Variants in ZNF385D observed in about 807,000 individuals in gnomAD.
ZNF385D encodes the protein zinc finger protein 659.
Under a neutral mutation model 35.8 loss-of-function variants are expected in ZNF385D, and 15 were observed. The ratio of observed to expected loss-of-function variants is 0.42; its 90% CI spans 0.28 to 0.64. ZNF385D has a LOEUF of 0.64. Among genes scored for constraint, ZNF385D ranks in the 30% least tolerant of loss-of-function variants. The pLI is 0.23. For missense variants in ZNF385D, 474 were observed against 494.6 expected (o/e 0.96, Z 0.39); for synonymous variants, 212 against 186.8 (o/e 1.13, Z -1.10).
intron 1 of ZNF385D, among the ~76,000 whole-genome samples, chr3:21,718,486 C>T (rs1443102909): frequency 2.6e-5 from 4 of 152,222 alleles, no homozygotes; most frequent in Admixed American, 6.5e-5. Context: ...GCACTTACTA[C>T]GTGCCCGGAT....
At chr3:21,893,578 C>G (rs997189178) in intron 3 of ZNF385D, among the ~76,000 whole-genome samples, 1 of 152,126 alleles carries the variant, frequency 6.6e-6, no homozygotes, top group Non-Finnish European at 1.5e-5. Context: ...TAATTTAGCT[C>G]ATTGAATGTT....
chr3:22,162,271 A>G (rs1489649933), intron 3 of ZNF385D, among the ~76,000 whole-genome samples: 2 of 152,152 alleles, frequency 1.3e-5, no homozygotes, highest in East Asian at 1.9e-4. Flanking sequence ...ATATTTTAAG[A>G]TGCTATTCAG....
intron 2 of ZNF385D, among the ~76,000 whole-genome samples, chr3:21,605,519 G>T (rs1412305813): frequency 6.6e-6 from 1 of 150,950 alleles, no homozygotes; most frequent in Non-Finnish European, 1.5e-5. Context: ...AGAAAGAATG[G>T]TAGAAAGACA....
At chr3:22,360,831 C>T (rs1696376168) in intron 2 of ZNF385D, among the ~76,000 whole-genome samples, 1 of 151,986 alleles carries the variant, frequency 6.6e-6, no homozygotes, top group South Asian at 2.1e-4. Context: ...AAATGAATAA[C>T]TGTATTCCTA....
intron 3 of ZNF385D, among the ~76,000 whole-genome samples, chr3:22,113,710 TAC>T (rs1702659311): frequency 6.6e-6 from 1 of 151,936 alleles, no homozygotes; most frequent in Non-Finnish European, 1.5e-5. Flanking sequence ...ACAAAAAAGA[TAC>T]ACAGATACAA....
intron 3 of ZNF385D, among the ~76,000 whole-genome samples, chr3:21,870,157 T>C (rs77248212): frequency 6.6e-6 from 1 of 152,168 alleles, no homozygotes; most frequent in Admixed American, 6.6e-5. Flanking sequence ...GCTTCAGGAA[T>C]TATTTTTCCC....
intron 3 of ZNF385D, among the ~76,000 whole-genome samples, chr3:21,989,698 A>G (rs1576098521): frequency 1.3e-5 from 2 of 152,212 alleles, no homozygotes. Flanking sequence ...AAGGACAGCC[A>G]AACCATCCAG....
intron 1 of ZNF385D, among the ~76,000 whole-genome samples, chr3:21,743,674 G>C (rs1470252546): frequency 6.6e-6 from 1 of 152,090 alleles, no homozygotes; most frequent in African/African-American, 2.4e-5. Context: ...CACCCAAATG[G>C]CTTCATCTAA....
intron 2 of ZNF385D, among the ~76,000 whole-genome samples, chr3:22,187,779 G>T (rs1695736536): frequency 6.6e-6 from 1 of 152,080 alleles, no homozygotes; most frequent in South Asian, 2.1e-4. Flanking sequence ...TGTTTATTCG[G>T]ACAGCGATGG....
intron 3 of ZNF385D, among the ~76,000 whole-genome samples, chr3:21,913,341 G>A (rs756213910): frequency 2.0e-5 from 3 of 152,032 alleles, no homozygotes; most frequent in African/African-American, 4.8e-5. Context: ...TTCTCAGGTC[G>A]TATATCTGAA....
chr3:21,746,745 C>CTAAT lies in ZNF385D; in HGVS notation c.22+4146_22+4149dup, dbSNP rs1478602114. ...CTCATAACAGATCACTCAGTACAAACTAATTAGAAGGAGTTAAATGTTTCC... is the reference window on the plus strand; with the variant it reads ...CTCATAACAGATCACTCAGTACAAACTAATTAATTAGAAGGAGTTAAATGTTTCC... On this transcript the variant is annotated intron_variant, in intron 1 of 7. Transcript: ENST00000281523. 2.0e-5 allele frequency among the ~76,000 whole-genome samples: 3 copies of CTAAT among 152,164 alleles called. No homozygotes were observed. In the East Asian group the frequency reaches 5.8e-4, roughly 29 times the overall value.
chr3:21,472,415 A>G (rs1465272344), intron 4 of ZNF385D, among the ~76,000 whole-genome samples: 4 of 152,168 alleles, frequency 2.6e-5, no homozygotes. Context: ...AAAGGTGGTC[A>G]ACTCCAATTT....
At chr3:21,588,910 T>C (rs544278949) in intron 2 of ZNF385D, among the ~76,000 whole-genome samples, 43 of 152,304 alleles carry the variant, frequency 2.8e-4, no homozygotes, top group African/African-American at 1.0e-3. Context: ...AATATGCTCA[T>C]ACATCCACTC....
chr3:22,326,270 C>T (rs547601499), intron 2 of ZNF385D, among the ~76,000 whole-genome samples: 3 of 152,198 alleles, frequency 2.0e-5, no homozygotes, highest in African/African-American at 7.2e-5. Flanking sequence ...GTAGATTATG[C>T]CAAATTTGGG....
At chr3:21,667,889 TCA>T (rs2066454074) in intron 1 of ZNF385D, among the ~76,000 whole-genome samples, 1 of 152,170 alleles carries the variant, frequency 6.6e-6, no homozygotes, top group Admixed American at 6.6e-5. Context: ...AGGTCCTCTC[TCA>T]GTGTTGCAAC....
At chr3:21,989,776 C>G (rs1012063658) in intron 3 of ZNF385D, among the ~76,000 whole-genome samples, 3 of 152,112 alleles carry the variant, frequency 2.0e-5, no homozygotes, top group African/African-American at 7.2e-5. Flanking sequence ...TTCAACTGAC[C>G]CAGGTTACAC....
intron 2 of ZNF385D, among the ~76,000 whole-genome samples, chr3:21,624,426 T>C (rs896774447): frequency 6.6e-6 from 1 of 152,112 alleles, no homozygotes; most frequent in South Asian, 2.1e-4. Context: ...ATATCAATGC[T>C]ATTTCCAGCC....
intron 3 of ZNF385D, among the ~76,000 whole-genome samples, chr3:21,977,519 A>G (rs765605553): frequency 9.2e-5 from 14 of 152,098 alleles, no homozygotes; most frequent in Admixed American, 2.0e-4. Context: ...TTGCAGGTCT[A>G]CCTAAAAGAC....
At chr3:21,660,907 T>C (rs2066219821) in intron 2 of ZNF385D, among the ~76,000 whole-genome samples, 1 of 152,198 alleles carries the variant, frequency 6.6e-6, no homozygotes, top group Non-Finnish European at 1.5e-5. Context: ...ATTCTATCAC[T>C]GGCATCTCAG....
Sources: allele counts gnomAD v4.1 joint callset (sites outside exome capture counted in the v4.1 genomes callset), GRCh38; gene constraint gnomAD v4.1.1; transcripts MANE v1.5; gene names NCBI Gene and HGNC (gene_info 2026-07-23, HGNC 2026-07-21).